Variants in NEDD9 observed in about 807,000 individuals in gnomAD.
The protein encoded by NEDD9 is enhancer of filamentation 1.
Under a neutral mutation model 76.6 loss-of-function variants are expected in NEDD9, and 26 were observed. The observed-to-expected ratio is 0.34, with a 90% CI of 0.25 to 0.47. The LOEUF is 0.47. Ranked by LOEUF, NEDD9 falls within the 20% of genes least tolerant of loss-of-function variation. The pLI, the probability that NEDD9 is intolerant of heterozygous loss-of-function variation, is 1.00. For synonymous variants in NEDD9, 392 were observed against 414.2 expected (o/e 0.95, Z 0.65); for missense variants, 937 against 1,058.5 (o/e 0.89, Z 1.59).
intron 1 of NEDD9, among the ~76,000 whole-genome samples, chr6:11,374,096 A>T: frequency 6.6e-6 from 1 of 152,010 alleles, no homozygotes; most frequent in East Asian, 1.9e-4. Context: ...ATACACACAC[A>T]CATTCCATTG....
At chr6:11,344,790 T>A (rs1207167834) in intron 1 of NEDD9, among the ~76,000 whole-genome samples, 1 of 152,250 alleles carries the variant, frequency 6.6e-6, no homozygotes, top group Non-Finnish European at 1.5e-5. Context: ...TTTGCTTTTA[T>A]TACTAAAAAT....
At chr6:11,211,301 C>T (rs1334844056) in intron 2 of NEDD9, among the ~76,000 whole-genome samples, 1 of 152,186 alleles carries the variant, frequency 6.6e-6, no homozygotes, top group Non-Finnish European at 1.5e-5. Flanking sequence ...AGGGCAGTCC[C>T]AGCAGATACA....
intron 3 of NEDD9, among the ~76,000 whole-genome samples, chr6:11,275,178 T>G (rs975343855): frequency 2.6e-5 from 4 of 152,128 alleles, no homozygotes; most frequent in Non-Finnish European, 5.9e-5. Flanking sequence ...CTCACTTACT[T>G]GCAGGCTGTA....
At chr6:11,221,857 A>C (rs1759154806) in intron 1 of NEDD9, among the ~76,000 whole-genome samples, 1 of 152,128 alleles carries the variant, frequency 6.6e-6, no homozygotes, top group African/African-American at 2.4e-5. Context: ...CCACCCACCC[A>C]CAAGATAGAT....
intron 1 of NEDD9, among the ~76,000 whole-genome samples, chr6:11,224,331 G>A (rs1759241409): frequency 6.6e-6 from 1 of 152,196 alleles, no homozygotes; most frequent in Non-Finnish European, 1.5e-5. Flanking sequence ...AGTGACAGGG[G>A]TTATCAAGAG....
intron 2 of NEDD9, among the ~76,000 whole-genome samples, chr6:11,323,109 A>G (rs1236625593): frequency 6.6e-6 from 1 of 152,246 alleles, no homozygotes; most frequent in Non-Finnish European, 1.5e-5. Context: ...CTCTTGCTAC[A>G]TAGTAGTACA....
rs1390220590 is a variant in NEDD9, at chr6:11,364,321, G to A, written c.-214+17818C>T. Among the ~76,000 whole-genome samples the A allele has an allele frequency of 5.3e-5, 8 of 152,254 alleles. No homozygotes were observed. The East Asian group carries it at 1.4e-3, about 26-fold the overall frequency. On this transcript the variant is annotated intron_variant, in intron 1 of 3. Coordinates refer to the NEDD9 transcript ENST00000397378. ...TGGTAGCTCATGTCTGGTTTCTTCT[G>A]TTGCTTTCCCCTTTGCTGATTCTGA...
intron 1 of NEDD9, among the ~76,000 whole-genome samples, chr6:11,215,118 AG>A (rs1289734583): frequency 1.6e-4 from 24 of 152,196 alleles, no homozygotes; most frequent in African/African-American, 5.8e-4. Flanking sequence ...GTGCAATGGA[AG>A]GGATCTGCCC....
chr6:11,240,275 CTG>C (rs1174433827), intron 3 of NEDD9, among the ~76,000 whole-genome samples: 1 of 152,130 alleles, frequency 6.6e-6, no homozygotes, highest in African/African-American at 2.4e-5. Context: ...GGTCTCCACA[CTG>C]TGAAGACTTG....
In NEDD9 at chr6:11,370,263, G is replaced by A. The variant is rs1382878853; in HGVS notation, c.-214+11876C>T. Among the ~76,000 whole-genome samples, 2 of 152,202 alleles carry A rather than the reference G, an allele frequency of 1.3e-5. No homozygotes were observed. Among genetic ancestry groups the A allele is most frequent in the Non-Finnish European group, 2.9e-5 (2 of 68,040 alleles). On this transcript the variant is annotated intron_variant, in intron 1 of 3. Transcript: ENST00000397378. The surrounding 1 kb of genome is among the most constrained non-coding windows in gnomAD (Gnocchi z 4.2). ...TCTGCTGACGTTTTCCTATGCTGAAGCAAGAAGTGAGGAACATTGTCTTTG... is the reference window on the plus strand; with the variant it reads ...TCTGCTGACGTTTTCCTATGCTGAAACAAGAAGTGAGGAACATTGTCTTTG...
intron 1 of NEDD9, among the ~76,000 whole-genome samples, chr6:11,347,694 C>T (rs373668291): frequency 5.3e-5 from 8 of 152,266 alleles, no homozygotes; most frequent in East Asian, 1.9e-4. Flanking sequence ...ACAAGACCCA[C>T]GTGATCATCT....
chr6:11,318,702 G>C (rs1561832001), intron 2 of NEDD9, among the ~76,000 whole-genome samples: 1 of 151,958 alleles, frequency 6.6e-6, no homozygotes, highest in Non-Finnish European at 1.5e-5. Flanking sequence ...AAAAACAACA[G>C]AAAACAGCTC....
intron 1 of NEDD9, among the ~76,000 whole-genome samples, chr6:11,351,460 C>T (rs1293208180): frequency 1.3e-5 from 2 of 152,148 alleles, no homozygotes; most frequent in African/African-American, 4.8e-5. Context: ...AGCAGAAAGG[C>T]CACTCTCACC....
chr6:11,353,681 G>C (rs969637320), intron 1 of NEDD9, among the ~76,000 whole-genome samples: 1 of 152,230 alleles, frequency 6.6e-6, no homozygotes, highest in Non-Finnish European at 1.5e-5. Flanking sequence ...CATAGGACTG[G>C]AAGTTCTATT....
intron 2 of NEDD9, among the ~76,000 whole-genome samples, chr6:11,311,246 A>G (rs1761356700): frequency 6.6e-6 from 1 of 152,216 alleles, no homozygotes; most frequent in Non-Finnish European, 1.5e-5. Flanking sequence ...AAATAAAGTC[A>G]TTGCAGATGT....
upstream of NEDD9, chr6:11,233,504 C>A (rs781320860): frequency 5.8e-6 from 3 of 518,688 alleles, no homozygotes; most frequent in African/African-American, 5.8e-5. Flanking sequence ...GCATTTCTAG[C>A]TCCAGCTTTG....
At chr6:11,285,188 C>A (rs924701242) in intron 3 of NEDD9, among the ~76,000 whole-genome samples, 8 of 152,144 alleles carry the variant, frequency 5.3e-5, no homozygotes, top group African/African-American at 1.9e-4. Context: ...GTGCCTTTAG[C>A]TTGTCAGTCT....
intron 6 of NEDD9, among the ~76,000 whole-genome samples, chr6:11,186,078 C>T (rs552220706): frequency 6.6e-6 from 1 of 152,156 alleles, no homozygotes; most frequent in African/African-American, 2.4e-5. Context: ...AATGTAGTGA[C>T]CTCCTTGTCA....
At chr6:11,357,169 A>G (rs1762592992) in intron 1 of NEDD9, among the ~76,000 whole-genome samples, 1 of 152,118 alleles carries the variant, frequency 6.6e-6, no homozygotes, top group Non-Finnish European at 1.5e-5. Flanking sequence ...TAAGTCTTTA[A>G]ATTGATTTGC....
Sources: gnomAD v4.1 joint callset for allele counts (sites outside exome capture counted in the v4.1 genomes callset) on GRCh38, gnomAD v4.1.1 for gene constraint, Gnocchi (gnomAD v3.1) non-coding constraint, MANE v1.5 for transcripts, NCBI Gene and HGNC (gene_info 2026-07-23, HGNC 2026-07-21) for gene names.